UBE2D2: variants seen among roughly 807,000 people sequenced by gnomAD.
UBE2D2 encodes the protein ubiquitin-conjugating enzyme E2 D2.
UBE2D2 carries 2 observed loss-of-function variants against 24.2 expected under a neutral mutation model. The observed-to-expected ratio is 0.08, with a 90% CI of 0.03 to 0.26. The LOEUF (loss-of-function observed/expected upper bound fraction) is 0.26. UBE2D2 is among the 10% of genes least tolerant of loss of function. The pLI is 1.00. For synonymous variants in UBE2D2, 58 were observed against 56.5 expected (o/e 1.03, Z -0.12); for missense variants, 44 against 177.6 (o/e 0.25, Z 4.28).
chr5:139,528,480 A>T (rs1407062209), intron 1 of UBE2D2, among the ~76,000 whole-genome samples: 1 of 152,258 alleles, frequency 6.6e-6, no homozygotes, highest in African/African-American at 2.4e-5. Context: ...GACCAAGGCC[A>T]GTGGCCTATC....
chr5:139,584,072 C>G (rs916114195), intron 1 of UBE2D2, among the ~76,000 whole-genome samples: 1 of 152,198 alleles, frequency 6.6e-6, no homozygotes, highest in African/African-American at 2.4e-5. Context: ...TAGGCCCTCA[C>G]ATTCATTCAT....
At chr5:139,530,950 C>T (rs1752590157) in intron 1 of UBE2D2, among the ~76,000 whole-genome samples, 1 of 152,182 alleles carries the variant, frequency 6.6e-6, no homozygotes, top group African/African-American at 2.4e-5. Flanking sequence ...TTCGTTGCCA[C>T]CTTAGTTCAC....
chr5:139,570,149 C>G (rs922101683), intron 1 of UBE2D2, among the ~76,000 whole-genome samples: 4 of 150,248 alleles, frequency 2.7e-5, no homozygotes, highest in Admixed American at 2.7e-4. Context: ...TGCCTGTAGT[C>G]CTAGCTACTC....
chr5:139,548,324 A>G (rs1561498661), intron 1 of UBE2D2, among the ~76,000 whole-genome samples: 2 of 151,830 alleles, frequency 1.3e-5, no homozygotes. Context: ...TCTATAAGAT[A>G]TAGAGGAAGG....
chr5:139,595,651 C>G (rs1212922349), intron 1 of UBE2D2, among the ~76,000 whole-genome samples: 1 of 151,966 alleles, frequency 6.6e-6, no homozygotes, highest in African/African-American at 2.4e-5. Flanking sequence ...CAATTTTTAA[C>G]AGCTATTTTA....
chr5:139,605,728 C>T (rs1260291721), intron 2 of UBE2D2, among the ~76,000 whole-genome samples: 1 of 150,796 alleles, frequency 6.6e-6, no homozygotes, highest in Non-Finnish European at 1.5e-5. Flanking sequence ...TCCCTTCTCC[C>T]TCGTCTTCCT....
intron 1 of UBE2D2, among the ~76,000 whole-genome samples, chr5:139,553,071 G>C (rs1752942867): frequency 6.6e-6 from 1 of 152,070 alleles, no homozygotes; most frequent in Admixed American, 6.6e-5. Flanking sequence ...CGCCCGCCTT[G>C]GCCTTCTGAA....
intron 1 of UBE2D2, among the ~76,000 whole-genome samples, chr5:139,552,242 A>G (rs1752928948): frequency 6.7e-6 from 1 of 149,874 alleles, no homozygotes; most frequent in Non-Finnish European, 1.5e-5. Context: ...GGCTCACTGC[A>G]GCCTCCCCTT....
intron 1 of UBE2D2, among the ~76,000 whole-genome samples, chr5:139,550,620 T>A (rs1031607419): frequency 1.3e-5 from 2 of 151,862 alleles, no homozygotes; most frequent in African/African-American, 4.8e-5. Flanking sequence ...TGCTGCTCAT[T>A]CTTTGGGTAC....
Position 139,541,459 on chromosome 5 carries a change from G to A in UBE2D2, c.-64+14847G>A, listed in dbSNP as rs144259018. On this transcript the variant is annotated intron_variant, in intron 1 of 6. Coordinates refer to the UBE2D2 transcript ENST00000511725. ...TACTAAGAATACAAAAATTAGCCAGGCATGGTGGTGGGCGCCTGTAATCCC... is the reference window on the plus strand; with the variant it reads ...TACTAAGAATACAAAAATTAGCCAGACATGGTGGTGGGCGCCTGTAATCCC... Among the ~76,000 whole-genome samples, 1,170 of 151,432 alleles carry A rather than the reference G, an allele frequency of 7.7e-3. 9 individuals are homozygous for A. The highest frequency in any genetic ancestry group is 0.041 in the Middle Eastern group (12 of 294).
chr5:139,571,729 T>TTC (rs372007323), intron 1 of UBE2D2, among the ~76,000 whole-genome samples: 2 of 151,514 alleles, frequency 1.3e-5, no homozygotes, highest in Non-Finnish European at 2.9e-5. Context: ...TTCCATCCTT[T>TTC]TCTCTCTCTC....
chr5:139,596,527 T>G (rs1753963026), intron 1 of UBE2D2, among the ~76,000 whole-genome samples: 1 of 151,214 alleles, frequency 6.6e-6, no homozygotes, highest in South Asian at 2.1e-4. Context: ...GTCCTGACCT[T>G]GTGATCCACC....
At chr5:139,529,448 A>T (rs1264368245) in intron 1 of UBE2D2, among the ~76,000 whole-genome samples, 1 of 152,154 alleles carries the variant, frequency 6.6e-6, no homozygotes, top group African/African-American at 2.4e-5. Flanking sequence ...CACAGCAGAA[A>T]ATAAGTACAT....
At chr5:139,556,372 G>A (rs1301083185), upstream of UBE2D2, among the ~76,000 whole-genome samples, 2 of 152,066 alleles carry the variant, frequency 1.3e-5, no homozygotes, top group Non-Finnish European at 2.9e-5. Context: ...CTCTGCCACT[G>A]TACTCCAGCC....
At chr5:139,562,467 G>A in intron 1 of UBE2D2, 1 of 1,274,982 alleles carries the variant, frequency 7.8e-7, no homozygotes, top group Non-Finnish European at 1.0e-6. Context: ...TGAGGTTGCT[G>A]TATGTAGTTA....
Position 139,580,485 on chromosome 5 carries a change from G to A in UBE2D2, c.24+18670G>A, listed in dbSNP as rs1031620551. On this transcript the variant is annotated intron_variant, in intron 1 of 6. Coordinates refer to ENST00000398733, the MANE Select transcript of UBE2D2 (RefSeq NM_003339.3). ...TACAAATTTTTTTCTTTTTTGAAAC[G>A]GAGTCTCGCTGCGTGACCCAGGCTG... is the stretch of plus-strand genomic sequence containing the variant. 2.6e-5 allele frequency among the ~76,000 whole-genome samples: 4 copies of A among 152,008 alleles called. No individual in the cohort carries two copies. The East Asian group carries it at 7.7e-4, about 29-fold the overall frequency.
rs1753359434 is a variant in UBE2D2, at chr5:139,571,913, C to T, written c.24+10098C>T. Among the ~76,000 whole-genome samples the T allele has an allele frequency of 2.6e-5, 4 of 151,170 alleles. No homozygotes were observed. The South Asian group carries it at 8.4e-4, about 32-fold the overall frequency. On this transcript the variant is annotated intron_variant, in intron 1 of 6. Transcript: ENST00000398733. ...AACTCCTCTTAGCATCCAAACTTATCGAAGGTTTTCCCCTATAAAAAAAAA... is the reference window on the plus strand; with the variant it reads ...AACTCCTCTTAGCATCCAAACTTATTGAAGGTTTTCCCCTATAAAAAAAAA...
At chr5:139,605,923 T>C (rs574657940) in intron 2 of UBE2D2, among the ~76,000 whole-genome samples, 59 of 151,794 alleles carry the variant, frequency 3.9e-4, no homozygotes, top group African/African-American at 1.4e-3. Flanking sequence ...AAAAAAAAAT[T>C]GTAGCAATAG....
chr5:139,562,103 C>T, intron 1 of UBE2D2: 1 of 982,576 alleles, frequency 1.0e-6, no homozygotes, highest in Non-Finnish European at 1.4e-6. Flanking sequence ...CTGGGACTGC[C>T]GCTGCACTTG....
Sources: allele counts gnomAD v4.1 joint callset (sites outside exome capture counted in the v4.1 genomes callset), GRCh38; gene constraint gnomAD v4.1.1; transcripts MANE v1.5; gene names NCBI Gene and HGNC (gene_info 2026-07-23, HGNC 2026-07-21).